SBF1: variants seen among roughly 807,000 people sequenced by gnomAD.
The protein encoded by SBF1 is SET binding factor 1.
A neutral mutation model predicts 215.8 loss-of-function variants in SBF1; 65 were observed. The ratio of observed to expected loss-of-function variants is 0.30; its 90% CI spans 0.25 to 0.37. SBF1 has a LOEUF of 0.37. Among genes scored for constraint, SBF1 ranks in the 10% least tolerant of loss-of-function variants. The pLI, the probability that SBF1 is intolerant of heterozygous loss-of-function variation, is 1.00. For synonymous variants in SBF1, 1,410 were observed against 1,122.8 expected (o/e 1.26, Z -5.11); for missense variants, 2,634 against 2,667.8 (o/e 0.99, Z 0.28).
In SBF1 at chr22:50,465,825, G is replaced by A. The variant is rs1460242265; in HGVS notation, c.1027C>T (p.Leu343=). 1.9e-6 allele frequency: 3 copies of A among 1,612,658 alleles called. No homozygotes were observed. In the Admixed American group the frequency reaches 5.0e-5, roughly 27 times the overall value. The stretch of plus-strand genomic sequence containing the variant: ...GGGAAGGCGAGGTCAGCCAACTCCA[G>A]CTCCGGGTCCAGGACCTGCCAGCAC... ...SVLSMVLDPE[L]ELADLAFPPP... is the part of the protein sequence containing the mutation. The change falls in exon 10 of 41, where the codon CTG becomes TTG. Residue 343 remains leucine, a synonymous_variant. Coordinates refer to ENST00000380817, the MANE Select transcript of SBF1 (RefSeq NM_002972.4).
rs758101522 is a variant in SBF1, at chr22:50,454,797, C to T, written c.4812+17G>A. 11 of 1,612,908 alleles carry T rather than the reference C, an allele frequency of 6.8e-6. No individual in the cohort carries two copies. The East Asian group carries it at 2.0e-4, about 29-fold the overall frequency. On this transcript the variant is annotated intron_variant, in intron 35 of 40. Coordinates refer to ENST00000380817, the MANE Select transcript of SBF1 (RefSeq NM_002972.4). ...GGTCGGGCAGGAGCCGCCTACCCGA[C>T]CCAGGCCCCAGCTTACCTCTGCGTC...
rs1015948880 is a variant in SBF1, at chr22:50,448,420, A to C, written c.5176T>G (p.Ser1726Ala). 5 of 1,613,714 alleles carry C rather than the reference A, an allele frequency of 3.1e-6. No individual in the cohort carries two copies. In the Middle Eastern group the frequency reaches 4.9e-4, roughly 159 times the overall value. Residue 1726 changes from serine to alanine, a missense_variant, in exon 38 of 41, where the codon TCC (serine) becomes GCC (alanine). Coordinates refer to ENST00000380817, the MANE Select transcript of SBF1 (RefSeq NM_002972.4). ...GRGTPSSLLV[S>A]TAPHHRRSLG... ...GAGCGACGGTGGTGGGGTGCGGTGG[A>C]CACAAGGAGGGAGCTAGGGGTGCCC...
At chr22:50,465,164 C>T in intron 11 of SBF1, 35 bp from the exon 12 acceptor site, 1 of 1,613,816 alleles carries the variant, frequency 6.2e-7, no homozygotes, top group Non-Finnish European at 8.5e-7. Flanking sequence ...CCTCAGGGGT[C>T]TCCACCATGC....
rs768458326 is a variant in SBF1, at chr22:50,447,109, C to T, written c.*33G>A. 35 of 1,586,364 alleles carry T rather than the reference C, an allele frequency of 2.2e-5. No homozygotes were observed. The highest frequency in any genetic ancestry group is 2.7e-5 in the Non-Finnish European group (32 of 1,163,730). ...CCCACCCCTAGTGGTCGGTAACGAC[C>T]GGAAGCAGAGCAGCCGGGCAGGGCT... On this transcript the variant is annotated 3_prime_UTR_variant, in exon 41 of 41. Coordinates refer to ENST00000380817, the MANE Select transcript of SBF1 (RefSeq NM_002972.4).
chr22:50,474,677 C>G (rs1463514904), intron 1 of SBF1, 109 bp downstream of exon 1: 4 of 925,266 alleles, frequency 4.3e-6, no homozygotes, highest in Admixed American at 6.4e-5. Context: ...CCGACCCAGC[C>G]CCCAGCCCTC....
At chr22:50,471,005 G>C (rs2067976527) in intron 1 of SBF1, among the ~76,000 whole-genome samples, 1 of 152,218 alleles carries the variant, frequency 6.6e-6, no homozygotes, top group Admixed American at 6.5e-5. Flanking sequence ...TCTTCCCAGG[G>C]TCCCCCACCC....
At chr22:50,466,518 GC>G (rs1569513878) in intron 6 of SBF1, 36 bp from the exon 7 acceptor site, 1 of 1,532,742 alleles carries the variant, frequency 6.5e-7, no homozygotes, top group Admixed American at 2.0e-5. Flanking sequence ...AGGACCCTGG[GC>G]CCCCACCCAG....
At chr22:50,456,936 G>T in intron 29 of SBF1, 98 bp downstream of exon 29, 2 of 1,047,362 alleles carry the variant, frequency 1.9e-6, no homozygotes, top group Non-Finnish European at 2.6e-6. Flanking sequence ...AGTGTCAGGT[G>T]TGGAGGGAGA....
intron 38 of SBF1, 41 bp downstream of exon 38, chr22:50,448,192 G>GC: frequency 3.2e-6 from 5 of 1,583,128 alleles, no homozygotes; most frequent in Non-Finnish European, 4.3e-6. Context: ...CAGAACACCA[G>GC]CTCAGAGGTG....
chr22:50,455,724 G>T (rs2060549855), intron 31 of SBF1, 142 bp from the exon 32 acceptor site: 1 of 692,830 alleles, frequency 1.4e-6, no homozygotes, highest in Non-Finnish European at 2.5e-6. Context: ...TGCGGGCAGA[G>T]CACTGGACAA....
chr22:50,454,313 T>A (rs1275081867), intron 36 of SBF1, among the ~76,000 whole-genome samples, 199 bp downstream of exon 36: 1 of 151,692 alleles, frequency 6.6e-6, no homozygotes, highest in African/African-American at 2.4e-5. Context: ...ACCCACTGAG[T>A]GGTGCGGGGC....
Position 50,446,690 on chromosome 22 carries a change from G to A in SBF1, c.*452C>T, listed in dbSNP as rs2066831618. The A allele has an allele frequency of 5.1e-6, 2 of 392,422 alleles. No homozygotes were observed. Among genetic ancestry groups the A allele is most frequent in the Non-Finnish European group, 5.1e-6 (1 of 196,254 alleles). 24.3% of individuals were successfully genotyped at this position (392,422 alleles called of 1,614,324 possible). ...CTGGGTGGACCCAGGCACCAGGAGAGGCTCACGAGAAAGATGCCAACCTCC... is the reference window on the plus strand; with the variant it reads ...CTGGGTGGACCCAGGCACCAGGAGAAGCTCACGAGAAAGATGCCAACCTCC... On this transcript the variant is annotated 3_prime_UTR_variant, in exon 41 of 41. Transcript: ENST00000380817.
At chr22:50,462,179 G>A (rs77845866) in intron 19 of SBF1, 26 bp downstream of exon 19, 1 of 1,606,874 alleles carries the variant, frequency 6.2e-7, no homozygotes, top group Non-Finnish European at 8.5e-7. Context: ...GCCTCCACTG[G>A]GCCCAACCCC....
chr22:50,463,673 G>A (rs1446339187), intron 15 of SBF1, among the ~76,000 whole-genome samples: 1 of 152,268 alleles, frequency 6.6e-6, no homozygotes, highest in Non-Finnish European at 1.5e-5. Context: ...TGGCAGGGAG[G>A]TGCGCTCCGG....
chr22:50,473,408 C>A (rs1413538800), intron 1 of SBF1, among the ~76,000 whole-genome samples: 1 of 152,154 alleles, frequency 6.6e-6, no homozygotes, highest in Non-Finnish European at 1.5e-5. Flanking sequence ...TGGGTCAAGA[C>A]AACATTGACA....
At chr22:50,472,967 A>C (rs2148617668) in intron 1 of SBF1, among the ~76,000 whole-genome samples, 1 of 152,300 alleles carries the variant, frequency 6.6e-6, no homozygotes, top group African/African-American at 2.4e-5. Context: ...CCGGTCACTT[A>C]GGGGAAGGGG....
At position 50,462,347 on chromosome 22, in the gene SBF1, T is replaced by C; in HGVS notation, c.2254A>G (p.Thr752Ala). The C allele has an allele frequency of 1.2e-6, 2 of 1,614,130 alleles. No individual in the cohort carries two copies. The highest frequency in any genetic ancestry group is 1.7e-6 in the Non-Finnish European group (2 of 1,180,028). ...QQELVQKEES[T>A]VFSQAIHYAN... ...TAGTGGATGGCCTGGCTGAACACCG[T>C]GCTCTCCTCCTTCTGCACCAGCTCC... The change falls in exon 19 of 41, where the codon ACG becomes GCG. Residue 752 changes from threonine (T) to alanine (A), a missense_variant. Physicochemically the swap from Thr to Ala is moderately conservative, Grantham distance 58. Coordinates refer to ENST00000380817, the MANE Select transcript of SBF1 (RefSeq NM_002972.4).
At position 50,474,788 on chromosome 22, in the gene SBF1, C is replaced by G. The variant is rs1003479968; in HGVS notation, c.53G>C (p.Arg18Pro). Residue 18 changes from arginine to proline, a missense_variant and splice_region_variant, in exon 1 of 41, where the codon CGC becomes CCC. Coordinates refer to ENST00000380817, the MANE Select transcript of SBF1 (RefSeq NM_002972.4). ...FVLVAFGPHP[R>P]GSGEGQGQIL... is the part of the protein sequence containing the mutation. ...CAGCGCTTGGCCTCGGCACTCACCG[C>G]GCGGGTGCGGCCCGAACGCCACCAG... is the stretch of plus-strand genomic sequence containing the variant. The G allele has an allele frequency of 4.7e-5, 68 of 1,462,354 alleles. No individual in the cohort carries two copies. The highest frequency in any genetic ancestry group is 5.8e-5 in the Non-Finnish European group (64 of 1,111,602). 90.6% of individuals were successfully genotyped at this position (1,462,354 alleles called of 1,614,324 possible).
At chr22:50,450,136 A>G (rs1445518463) in intron 36 of SBF1, among the ~76,000 whole-genome samples, 2 of 152,262 alleles carry the variant, frequency 1.3e-5, no homozygotes, top group African/African-American at 4.8e-5. Context: ...CTAGAAATCT[A>G]GACAGAGCCC....
Sources: gnomAD v4.1 joint callset for allele counts (sites outside exome capture counted in the v4.1 genomes callset) on GRCh38, gnomAD v4.1.1 for gene constraint, MANE v1.5 for transcripts, NCBI Gene and HGNC (gene_info 2026-07-23, HGNC 2026-07-21) for gene names.